Variants in TENM3 observed in about 807,000 individuals in gnomAD.
TENM3 encodes teneurin transmembrane protein 3, also known as teneurin-3.
Under a neutral mutation model 255.1 loss-of-function variants are expected in TENM3, and 63 were observed. The observed-to-expected ratio is 0.25, with a 90% CI of 0.20 to 0.30. The LOEUF is 0.30. Among genes scored for constraint, TENM3 ranks in the 10% least tolerant of loss-of-function variants. The pLI is 1.00. For missense variants in TENM3, 2,929 were observed against 3,461.1 expected (o/e 0.85, Z 3.86); for synonymous variants, 1,306 against 1,322.3 (o/e 0.99, Z 0.27).
chr4:181,666,170 C>T, the TENM3 span, among the ~76,000 whole-genome samples: 368 of 152,140 alleles, frequency 2.4e-3, 1 homozygote, highest in African/African-American at 8.3e-3. Flanking sequence ...AAGTCTTAAC[C>T]ATGAGGAAAA....
intron 12 of TENM3, among the ~76,000 whole-genome samples, chr4:182,709,285 G>A (rs4400030): frequency 0.99 from 150,998 of 152,246 alleles, 74,894 homozygotes; most frequent in Middle Eastern, 1. Flanking sequence ...ATCCAGCTCT[G>A]GAAAATAGTT....
chr4:182,685,635 A>G (rs1756512030), intron 11 of TENM3, among the ~76,000 whole-genome samples: 1 of 152,150 alleles, frequency 6.6e-6, no homozygotes, highest in Admixed American at 6.5e-5. Flanking sequence ...TAAATGTTAT[A>G]GAGATAATTA....
chr4:181,767,197 A>G, the TENM3 span, among the ~76,000 whole-genome samples: 1 of 144,314 alleles, frequency 6.9e-6, no homozygotes, highest in South Asian at 2.3e-4. Flanking sequence ...GCTTGCAGTG[A>G]GCCGAGAAGG....
At chr4:181,977,785 C>T in the TENM3 span, among the ~76,000 whole-genome samples, 4 of 152,106 alleles carry the variant, frequency 2.6e-5, no homozygotes, top group Admixed American at 6.5e-5. Context: ...CAATCTTTTT[C>T]CTGTGGATGC....
chr4:181,826,799 T>G, the TENM3 span, among the ~76,000 whole-genome samples: 1 of 152,198 alleles, frequency 6.6e-6, no homozygotes, highest in Non-Finnish European at 1.5e-5. Flanking sequence ...AAGGTATTCT[T>G]TAAAAGCTCC....
At chr4:181,671,902 C>G in the TENM3 span, among the ~76,000 whole-genome samples, 3 of 152,146 alleles carry the variant, frequency 2.0e-5, no homozygotes. Context: ...TTACTTGTCT[C>G]TGGCTCATGG....
chr4:181,715,767 G>A, the TENM3 span, among the ~76,000 whole-genome samples: 1 of 152,180 alleles, frequency 6.6e-6, no homozygotes, highest in Non-Finnish European at 1.5e-5. Context: ...AAATGCCCTA[G>A]TGGGCAGTAC....
the TENM3 span, among the ~76,000 whole-genome samples, chr4:181,634,149 G>C: frequency 1.8e-4 from 27 of 152,136 alleles, no homozygotes; most frequent in Non-Finnish European, 3.1e-4. Flanking sequence ...ATGTTTGGAG[G>C]AGCTATAAAC....
At chr4:182,490,584 C>A (rs1735200690) in intron 3 of TENM3, among the ~76,000 whole-genome samples, 1 of 152,062 alleles carries the variant, frequency 6.6e-6, no homozygotes, top group African/African-American at 2.4e-5. Flanking sequence ...TTTTTGACTT[C>A]ATGGAAAAGT....
intron 1 of TENM3, among the ~76,000 whole-genome samples, chr4:182,290,240 C>T (rs1423259271): frequency 3.3e-5 from 5 of 152,110 alleles, no homozygotes; most frequent in African/African-American, 7.2e-5. Context: ...GATGAGTGAA[C>T]GAATGAACCG....
chr4:181,474,138 A>G, the TENM3 span, among the ~76,000 whole-genome samples: 8 of 151,938 alleles, frequency 5.3e-5, 1 homozygote, highest in Non-Finnish European at 1.2e-4. Context: ...AGGGAAGGGA[A>G]CATCACACAC....
At chr4:182,081,600 A>AG in the TENM3 span, among the ~76,000 whole-genome samples, 2 of 151,446 alleles carry the variant, frequency 1.3e-5, no homozygotes, top group African/African-American at 4.8e-5. Context: ...AAAAAAAAAA[A>AG]AAAAAGAAGA....
the TENM3 span, among the ~76,000 whole-genome samples, chr4:182,003,179 A>G: frequency 2.6e-5 from 4 of 152,216 alleles, no homozygotes; most frequent in East Asian, 3.9e-4. Context: ...ACCCACATTT[A>G]CTTTCTTGTA....
the TENM3 span, among the ~76,000 whole-genome samples, chr4:182,053,506 T>C: frequency 1.3e-5 from 2 of 152,144 alleles, no homozygotes; most frequent in Non-Finnish European, 2.9e-5. Flanking sequence ...CTGTGTCTGG[T>C]CCAGGATAGA....
rs115477023 is a variant in TENM3 at position 182,198,612 on chromosome 4, G to A, written c.-76+53858G>A. ...AATGGCCCTGGGATGTGGAGCAGTT[G>A]GAATGAAGCTGACAGGAAAAGTCAG... On this transcript the variant is annotated intron_variant, in intron 1 of 2. Transcript: ENST00000512480. 9.9e-3 allele frequency among the ~76,000 whole-genome samples: 1,512 copies of A among 152,314 alleles called. 26 individuals carry two copies. Among genetic ancestry groups the A allele is most frequent in the African/African-American group, 0.034 (1,430 of 41,562 alleles).
At chr4:182,314,476 A>C (rs1762640412) in intron 1 of TENM3, among the ~76,000 whole-genome samples, 1 of 152,232 alleles carries the variant, frequency 6.6e-6, no homozygotes, top group Non-Finnish European at 1.5e-5. Context: ...ATACATACAG[A>C]TCAGCTGCAT....
chr4:182,093,216 A>G, the TENM3 span, among the ~76,000 whole-genome samples: 2 of 152,208 alleles, frequency 1.3e-5, no homozygotes, highest in African/African-American at 4.8e-5. Flanking sequence ...AATTTTAGAA[A>G]GGAGGATATT....
chr4:182,728,257 G>C (rs1036111978), intron 13 of TENM3, among the ~76,000 whole-genome samples: 1 of 152,152 alleles, frequency 6.6e-6, no homozygotes, highest in Non-Finnish European at 1.5e-5. Context: ...CCAAATTTTA[G>C]AGCTTCGTCC....
At chr4:181,462,568 G>A in the TENM3 span, among the ~76,000 whole-genome samples, 2 of 152,116 alleles carry the variant, frequency 1.3e-5, no homozygotes, top group Non-Finnish European at 2.9e-5. Context: ...CAAATATTTT[G>A]CCTGGTTTTC....
Sources: gnomAD v4.1 joint callset for allele counts (sites outside exome capture counted in the v4.1 genomes callset) on GRCh38, gnomAD v4.1.1 for gene constraint, MANE v1.5 for transcripts, NCBI Gene and HGNC (gene_info 2026-07-23, HGNC 2026-07-21) for gene names.